Variants in OR3A2 observed in about 807,000 individuals in gnomAD.
OR3A2 encodes the protein olfactory receptor 3A2.
For missense variants in OR3A2, 318 were observed against 392.8 expected (o/e 0.81, Z 1.61); for synonymous variants, 126 against 159.3 (o/e 0.79, Z 1.57).
chr17:3,311,796 C>T lies in OR3A2; in HGVS notation c.-85+24237G>A, dbSNP rs1464845780. ...ACATGTGTCTGGGCTCAGTCTCAGCCTCAGACAAAGATAAGGGGATTGGGA... is the reference window on the plus strand; with the variant it reads ...ACATGTGTCTGGGCTCAGTCTCAGCTTCAGACAAAGATAAGGGGATTGGGA... On this transcript the variant is annotated intron_variant, in intron 3 of 4. Transcript: ENST00000573491. This position sits in a 1 kb window ranked among gnomAD's most constrained non-coding sequence, Gnocchi z 4.6. 9.9e-6 allele frequency: 2 copies of T among 201,464 alleles called. No homozygotes were observed. Among genetic ancestry groups the T allele is most frequent in the Non-Finnish European group, 2.1e-5 (2 of 96,112 alleles). 12.5% of individuals were successfully genotyped at this position (201,464 alleles called of 1,614,324 possible). A position where few individuals can be genotyped will look rare whatever the true frequency, so the allele number is the denominator to read the frequency against.
intron 3 of OR3A2, chr17:3,291,849 C>A (rs1250808941): frequency 5.0e-6 from 8 of 1,614,036 alleles, no homozygotes; most frequent in Non-Finnish European, 6.8e-6. Context: ...GAGGTGGGAG[C>A]CACATGTGGA....
chr17:3,288,078 G>T (rs1021978387), upstream of OR3A2, among the ~76,000 whole-genome samples: 1 of 151,050 alleles, frequency 6.6e-6, no homozygotes, highest in African/African-American at 2.4e-5. Context: ...AGAAGATAAA[G>T]GTCATAAAAT....
chr17:3,356,750 G>T (rs1413523037), intron 2 of OR3A2, among the ~76,000 whole-genome samples: 1 of 151,528 alleles, frequency 6.6e-6, no homozygotes, highest in Non-Finnish European at 1.5e-5. Context: ...AACAGACAAA[G>T]ACTCTATGAT....
chr17:3,380,859 G>A (rs529636904), intron 2 of OR3A2, among the ~76,000 whole-genome samples: 9 of 152,228 alleles, frequency 5.9e-5, no homozygotes, highest in East Asian at 3.9e-4. Flanking sequence ...TGAGGCAGGC[G>A]GACTTGAGGC....
rs1334234851 is a variant in OR3A2, at chr17:3,306,698, G to T, written c.-84-27545C>A. On this transcript the variant is annotated intron_variant, in intron 3 of 4. Transcript: ENST00000573491. Reference sequence around the variant, plus strand: ...ACTCTTCAAAAAAAAAAAAAAAACCGTAACCCCTTTTATTTTCTCCACTTA... The same window carrying T: ...ACTCTTCAAAAAAAAAAAAAAAACCTTAACCCCTTTTATTTTCTCCACTTA... Among the ~76,000 whole-genome samples the T allele has an allele frequency of 3.7e-5, 4 of 107,396 alleles. 1 individual carries two copies. Among genetic ancestry groups the T allele is most frequent in the African/African-American group, 1.4e-4 (3 of 21,702 alleles). 70.5% of individuals were successfully genotyped at this position (107,396 alleles called of 152,430 possible).
At chr17:3,383,432 C>T (rs942440442) in intron 2 of OR3A2, among the ~76,000 whole-genome samples, 1 of 152,138 alleles carries the variant, frequency 6.6e-6, no homozygotes, top group East Asian at 1.9e-4. Context: ...TGACATCAAC[C>T]GTGTAAGAGA....
chr17:3,300,452 G>A (rs1220582938), intron 3 of OR3A2, among the ~76,000 whole-genome samples: 2 of 152,056 alleles, frequency 1.3e-5, no homozygotes, highest in African/African-American at 2.4e-5. Flanking sequence ...CCAGCTACTC[G>A]GGAGGCTGAG....
At chr17:3,279,118 C>T in intron 1 of OR3A2, 8 of 815,480 alleles carry the variant, frequency 9.8e-6, no homozygotes, top group Non-Finnish European at 1.5e-5. Flanking sequence ...CCACCTTGTC[C>T]TCCTCATCCT....
intron 2 of OR3A2, among the ~76,000 whole-genome samples, chr17:3,371,562 CG>C (rs1301712823): frequency 1.4e-5 from 2 of 140,054 alleles, no homozygotes; most frequent in African/African-American, 2.7e-5. Context: ...GCTGGCCGGG[CG>C]GGGGGCTGAT....
At chr17:3,308,808 A>G (rs7215334) in intron 3 of OR3A2, among the ~76,000 whole-genome samples, 28,705 of 152,032 alleles carry the variant, frequency 0.19, 4,255 homozygotes, top group African/African-American at 0.41. Flanking sequence ...TTTGCCCCCT[A>G]GTGGTCTCCA....
At position 3,278,281 on chromosome 17, in the gene OR3A2, G is replaced by A. The variant is rs1567539226; in HGVS notation, c.637C>T (p.Pro213Ser). 5.0e-6 allele frequency: 8 copies of A among 1,614,206 alleles called. No individual in the cohort carries two copies. Among genetic ancestry groups the A allele is most frequent in the Non-Finnish European group, 6.8e-6 (8 of 1,180,032 alleles). Residue 213 changes from proline (P) to serine (S), a missense_variant, in exon 2 of 2, where the codon CCT (proline) becomes TCT (serine). By Grantham distance (74) the Pro-to-Ser change is moderately conservative. Coordinates refer to ENST00000642052, the Ensembl canonical transcript of OR3A2. Reference sequence around the variant, plus strand: ...TAGGCAGTGATGATGAGAACCAAAGGTGTGCCTGCCATGATGAAACCCACA... The same window carrying A: ...TAGGCAGTGATGATGAGAACCAAAGATGTGCCTGCCATGATGAAACCCACA...
At chr17:3,358,518 CTTAATT>C (rs1483889170) in intron 2 of OR3A2, among the ~76,000 whole-genome samples, 1 of 151,604 alleles carries the variant, frequency 6.6e-6, no homozygotes, top group Non-Finnish European at 1.5e-5. Flanking sequence ...TGAATTCTGC[CTTAATT>C]TTATTATTTA....
intron 3 of OR3A2, among the ~76,000 whole-genome samples, chr17:3,322,924 C>A (rs1014742701): frequency 3.3e-5 from 5 of 152,026 alleles, no homozygotes; most frequent in Non-Finnish European, 7.4e-5. Context: ...TCCTGGACAT[C>A]CTTGTTAACT....
intron 3 of OR3A2, among the ~76,000 whole-genome samples, chr17:3,306,346 A>G (rs1213074309): frequency 6.6e-6 from 1 of 151,472 alleles, no homozygotes; most frequent in African/African-American, 2.4e-5. Flanking sequence ...GGGTTTCATT[A>G]TGTTGCCCCT....
intron 2 of OR3A2, among the ~76,000 whole-genome samples, chr17:3,341,588 G>T (rs1319976930): frequency 5.3e-5 from 8 of 152,184 alleles, no homozygotes; most frequent in African/African-American, 9.6e-5. Flanking sequence ...GTTGAATATT[G>T]GCCCCCACTC....
chr17:3,300,929 A>T (rs2048960292), intron 3 of OR3A2, among the ~76,000 whole-genome samples: 1 of 147,298 alleles, frequency 6.8e-6, no homozygotes, highest in African/African-American at 2.5e-5. Context: ...CCTATGAGTG[A>T]GAACATGCGG....
At chr17:3,385,019 C>T (rs910518355) in intron 1 of OR3A2, among the ~76,000 whole-genome samples, 2 of 151,144 alleles carry the variant, frequency 1.3e-5, no homozygotes, top group Non-Finnish European at 2.9e-5. Context: ...TGGAGAAACC[C>T]GGTCTCTACT....
At chr17:3,302,516 G>T (rs369981264) in intron 3 of OR3A2, among the ~76,000 whole-genome samples, 3 of 152,114 alleles carry the variant, frequency 2.0e-5, no homozygotes, top group East Asian at 3.8e-4. Context: ...GGGAAAACTG[G>T]CTAGCCATAT....
exon 2 of OR3A2, chr17:3,278,022 T>C (rs777874460): frequency 1.9e-5 from 31 of 1,609,368 alleles, no homozygotes; most frequent in Non-Finnish European, 2.6e-5. Context: ...ACCCTGAACA[T>C]CAGGGTTTCT....
Sources: allele counts gnomAD v4.1 joint callset (sites outside exome capture counted in the v4.1 genomes callset), GRCh38; gene constraint gnomAD v4.1.1; non-coding constraint Gnocchi (gnomAD v3.1); transcripts MANE v1.5; gene names NCBI Gene and HGNC (gene_info 2026-07-23, HGNC 2026-07-21).